The following MEGF11 variants were observed in gnomAD, a reference collection of about 807,000 sequenced individuals.
MEGF11 encodes the protein multiple epidermal growth factor-like domains protein 11.
A neutral mutation model predicts 146.6 loss-of-function variants in MEGF11; 126 were observed. The observed-to-expected ratio is 0.86, with a 90% CI of 0.74 to 1.00. The LOEUF (loss-of-function observed/expected upper bound fraction) is 1.00. Among genes scored for constraint, MEGF11 ranks in the 50% least tolerant of loss-of-function variants. The pLI, the probability that MEGF11 is intolerant of heterozygous loss-of-function variation, is 0.00. For missense variants in MEGF11, 1,509 were observed against 1,521.2 expected, an observed-to-expected ratio of 0.99 and a Z score of 0.13; for synonymous variants, 532 against 583.4, an observed-to-expected ratio of 0.91 and a Z score of 1.27.
chr15:66,069,083 C>T (rs2085258873), intron 5 of MEGF11, among the ~76,000 whole-genome samples: 2 of 152,214 alleles, frequency 1.3e-5, no homozygotes, highest in Admixed American at 6.5e-5. Context: ...TCAGCTTCTG[C>T]ATCTGCAAAA....
chr15:66,059,823 G>A (rs186909072), intron 5 of MEGF11, among the ~76,000 whole-genome samples: 13 of 152,340 alleles, frequency 8.5e-5, no homozygotes, highest in African/African-American at 3.1e-4. Flanking sequence ...CAGGCAGGGA[G>A]CTAACATGCT....
intron 24 of MEGF11, among the ~76,000 whole-genome samples, chr15:65,904,536 C>G (rs957481520): frequency 1.3e-5 from 2 of 152,158 alleles, no homozygotes; most frequent in African/African-American, 2.4e-5. Context: ...TACCACCATC[C>G]CCTACCCTGA....
At chr15:66,046,874 C>A (rs1248894300) in intron 5 of MEGF11, among the ~76,000 whole-genome samples, 1 of 152,204 alleles carries the variant, frequency 6.6e-6, no homozygotes, top group African/African-American at 2.4e-5. Flanking sequence ...CTGCCAGTTC[C>A]CCTCCTCACT....
At chr15:65,955,111 C>A (rs2141470855) in intron 10 of MEGF11, among the ~76,000 whole-genome samples, 1 of 152,194 alleles carries the variant, frequency 6.6e-6, no homozygotes, top group East Asian at 1.9e-4. Flanking sequence ...CAAAGTCCTA[C>A]AGCTATGCTA....
intron 1 of MEGF11, among the ~76,000 whole-genome samples, chr15:66,132,871 T>G (rs1363098601): frequency 6.6e-6 from 1 of 152,096 alleles, no homozygotes; most frequent in African/African-American, 2.4e-5. Context: ...CACTAGAACA[T>G]ATACTTCATG....
At chr15:65,960,448 C>T (rs1195695430) in intron 9 of MEGF11, among the ~76,000 whole-genome samples, 4 of 152,218 alleles carry the variant, frequency 2.6e-5, no homozygotes, top group African/African-American at 7.2e-5. Flanking sequence ...GTGGGGAAGG[C>T]GTGCCCCTTG....
chr15:66,236,795 T>G (rs1489346928), intron 1 of MEGF11, among the ~76,000 whole-genome samples: 1 of 152,116 alleles, frequency 6.6e-6, no homozygotes, highest in Non-Finnish European at 1.5e-5. Context: ...CGGTCCTGGT[T>G]TGGGGAGAAC....
At chr15:66,050,885 C>T (rs1291326610) in intron 5 of MEGF11, among the ~76,000 whole-genome samples, 1 of 152,260 alleles carries the variant, frequency 6.6e-6, no homozygotes, top group Non-Finnish European at 1.5e-5. Context: ...GAGGCTGGCA[C>T]TGCCCTCTGG....
chr15:66,064,389 C>T (rs1018565153), intron 5 of MEGF11, among the ~76,000 whole-genome samples: 3 of 151,964 alleles, frequency 2.0e-5, no homozygotes, highest in Non-Finnish European at 2.9e-5. Context: ...GGAAAGAAAA[C>T]GCTGTATCAA....
intron 1 of MEGF11, among the ~76,000 whole-genome samples, chr15:66,194,454 T>C (rs933426991): frequency 9.2e-5 from 14 of 151,928 alleles, no homozygotes; most frequent in Admixed American, 2.6e-4. Context: ...ACTAAAAATA[T>C]GAAATTATCC....
chr15:66,110,918 G>C (rs1172512321), intron 4 of MEGF11, among the ~76,000 whole-genome samples: 1 of 152,046 alleles, frequency 6.6e-6, no homozygotes, highest in Non-Finnish European at 1.5e-5. Flanking sequence ...GCTCAAACCA[G>C]TATAGCTTCA....
chr15:65,986,792 C>CTTTTTTTTTTTTTTTTTTTTT (rs1491353062), intron 5 of MEGF11, among the ~76,000 whole-genome samples: 1 of 134,008 alleles, frequency 7.5e-6, no homozygotes, highest in African/African-American at 2.7e-5. Context: ...GCTGATTTTT[C>CTTTTTTTTTTTTTTTTTTTTT]CTTTTTTTTT....
chr15:65,930,716 T>G, intron 11 of MEGF11, 107 bp downstream of exon 11: 1 of 1,373,220 alleles, frequency 7.3e-7, no homozygotes, highest in South Asian at 1.6e-5. Flanking sequence ...ACCTTGCATG[T>G]GGGGGCGGGG....
At chr15:66,133,674 C>T (rs2088760875) in intron 1 of MEGF11, among the ~76,000 whole-genome samples, 1 of 152,118 alleles carries the variant, frequency 6.6e-6, no homozygotes, top group African/African-American at 2.4e-5. Context: ...GTTGGATCAG[C>T]CCTCGTAATT....
intron 1 of MEGF11, among the ~76,000 whole-genome samples, chr15:66,163,888 T>G (rs921865877): frequency 3.9e-5 from 6 of 152,186 alleles, no homozygotes; most frequent in Non-Finnish European, 8.8e-5. Flanking sequence ...GAGAAGAGCT[T>G]GTGCCACCGT....
intron 4 of MEGF11, among the ~76,000 whole-genome samples, chr15:66,101,957 G>A (rs923202532): frequency 1.3e-5 from 2 of 152,140 alleles, no homozygotes; most frequent in African/African-American, 4.8e-5. Flanking sequence ...CCCTTGCAAC[G>A]CTACTAATCG....
chr15:66,202,541 G>A (rs906441369), intron 1 of MEGF11, among the ~76,000 whole-genome samples: 2 of 152,138 alleles, frequency 1.3e-5, no homozygotes, highest in African/African-American at 4.8e-5. Context: ...GACCCCTAGG[G>A]GTGGCCCTGG....
At chr15:66,112,655 A>G (rs1428849219) in intron 4 of MEGF11, among the ~76,000 whole-genome samples, 9 of 147,466 alleles carry the variant, frequency 6.1e-5, no homozygotes. Context: ...AAAGAGTATA[A>G]AACAAACAAA....
At chr15:66,048,161 C>A (rs333607) in intron 5 of MEGF11, among the ~76,000 whole-genome samples, 126,155 of 152,164 alleles carry the variant, frequency 0.83, 54,506 homozygotes, top group East Asian at 0.98. Flanking sequence ...GGCCAGGCTG[C>A]TCTTGAATTC....
Sources: allele counts gnomAD v4.1 joint callset (sites outside exome capture counted in the v4.1 genomes callset), GRCh38; gene constraint gnomAD v4.1.1; transcripts MANE v1.5; gene names NCBI Gene and HGNC (gene_info 2026-07-23, HGNC 2026-07-21).